DCLK1: variants seen among roughly 807,000 people sequenced by gnomAD.
DCLK1 encodes serine/threonine-protein kinase DCLK1.
A neutral mutation model predicts 86.2 loss-of-function variants in DCLK1; 16 were observed. That is an observed-to-expected ratio of 0.19 (90% CI 0.13 to 0.28). DCLK1 has a LOEUF of 0.28. Among genes scored for constraint, DCLK1 ranks in the 10% least tolerant of loss-of-function variants. The pLI, the probability that DCLK1 is intolerant of heterozygous loss-of-function variation, is 1.00. For missense variants in DCLK1, 590 were observed against 940.2 expected (o/e 0.63, Z 4.87); for synonymous variants, 369 against 370.5 (o/e 1.00, Z 0.05).
At chr13:35,958,174 C>CCAT (rs1211855225) in intron 3 of DCLK1, among the ~76,000 whole-genome samples, 1 of 152,130 alleles carries the variant, frequency 6.6e-6, no homozygotes, top group Non-Finnish European at 1.5e-5. Context: ...ACCACCATCA[C>CCAT]CACTATAACC....
At chr13:35,902,791 G>A (rs1024741628) in intron 4 of DCLK1, among the ~76,000 whole-genome samples, 4 of 152,036 alleles carry the variant, frequency 2.6e-5, no homozygotes, top group Non-Finnish European at 5.9e-5. Context: ...TTCAGCCCCC[G>A]AAACAGTGAC....
At chr13:35,907,841 T>TAAAAAAAAAAAAA (rs35873614) in intron 4 of DCLK1, among the ~76,000 whole-genome samples, 1 of 140,700 alleles carries the variant, frequency 7.1e-6, no homozygotes. Context: ...GAAAAAACTT[T>TAAAAAAAAAAAAA]AAAAAAAAAA....
At chr13:36,069,114 T>C (rs563548922) in intron 3 of DCLK1, among the ~76,000 whole-genome samples, 23 of 152,298 alleles carry the variant, frequency 1.5e-4, no homozygotes, top group African/African-American at 5.3e-4. Context: ...ATTTGTCAGA[T>C]GAAGAAACCG....
chr13:35,915,904 T>G (rs1875377387), intron 4 of DCLK1, among the ~76,000 whole-genome samples: 1 of 152,188 alleles, frequency 6.6e-6, no homozygotes, highest in Non-Finnish European at 1.5e-5. Flanking sequence ...CTTTCAAAGC[T>G]CATTCAAATG....
At chr13:35,940,358 C>G (rs561554297) in intron 4 of DCLK1, among the ~76,000 whole-genome samples, 1 of 151,292 alleles carries the variant, frequency 6.6e-6, no homozygotes, top group South Asian at 2.1e-4. Flanking sequence ...TCTGCAGGTA[C>G]TTGAGCTTAG....
chr13:35,799,684 G>T lies in DCLK1; in HGVS notation c.1944+6015C>A, dbSNP rs369713966. ...GATGAGCATTTTGAAAATAAAAATG[G>T]AATGACAGCAATATATTTAAAATAT... On this transcript the variant is annotated intron_variant, in intron 15 of 16. Transcript: ENST00000360631. Among the ~76,000 whole-genome samples, 60 of 152,126 alleles carry T rather than the reference G, an allele frequency of 3.9e-4. 1 individual carries two copies. The East Asian group carries it at 0.011, about 29-fold the overall frequency.
chr13:35,910,896 C>T (rs150714153), intron 4 of DCLK1, among the ~76,000 whole-genome samples: 5 of 152,070 alleles, frequency 3.3e-5, no homozygotes, highest in East Asian at 3.9e-4. Flanking sequence ...CATAATTGGC[C>T]GATTGAGGGA....
chr13:36,008,838 C>T (rs1272596469), intron 3 of DCLK1, among the ~76,000 whole-genome samples: 2 of 150,876 alleles, frequency 1.3e-5, no homozygotes, highest in African/African-American at 2.4e-5. Flanking sequence ...ACAGTCTCAC[C>T]AACAGTGTAA....
intron 3 of DCLK1, among the ~76,000 whole-genome samples, chr13:35,953,767 A>G (rs981567315): frequency 6.6e-6 from 1 of 152,176 alleles, no homozygotes; most frequent in African/African-American, 2.4e-5. Flanking sequence ...TAAGATCTCC[A>G]TGGTGACGCT....
At chr13:35,950,025 T>C (rs371887602) in intron 3 of DCLK1, among the ~76,000 whole-genome samples, 6 of 152,326 alleles carry the variant, frequency 3.9e-5, no homozygotes, top group African/African-American at 7.2e-5. Flanking sequence ...TTTTCAGTGA[T>C]TGAAATGAGA....
intron 16 of DCLK1, among the ~76,000 whole-genome samples, chr13:35,787,082 A>G (rs982642787): frequency 1.3e-5 from 2 of 150,494 alleles, no homozygotes; most frequent in Non-Finnish European, 3.0e-5. Flanking sequence ...TCATATATAT[A>G]TATTATATAT....
intron 16 of DCLK1, 28 bp from the exon 17 acceptor site, chr13:35,774,727 G>C (rs1188729007): frequency 5.0e-6 from 8 of 1,600,178 alleles, no homozygotes; most frequent in Middle Eastern, 1.7e-4. Flanking sequence ...TGAGAAAGAG[G>C]ACAATTAGGG....
intron 3 of DCLK1, 53 bp from the exon 4 acceptor site, chr13:35,947,510 C>T: frequency 1.4e-6 from 2 of 1,433,720 alleles, no homozygotes; most frequent in Admixed American, 3.4e-5. Context: ...GCAATTACAA[C>T]AATGCAACCC....
At chr13:35,920,900 T>G (rs1413275028) in intron 4 of DCLK1, among the ~76,000 whole-genome samples, 3 of 151,844 alleles carry the variant, frequency 2.0e-5, no homozygotes, top group Non-Finnish European at 4.4e-5. Flanking sequence ...CTCTCCTCAC[T>G]CCCTGCATTC....
Position 35,770,757 on chromosome 13 carries a change from A to G in DCLK1, c.*3778T>C, listed in dbSNP as rs1393590503. On this transcript the variant is annotated 3_prime_UTR_variant, in exon 17 of 17. Transcript: ENST00000360631. ...AATGAGTAACTACATTAAAACTACC[A>G]TCTTGGATCTTGGTGCTTTCCAAAA... 6 of 152,242 alleles carry G rather than the reference A, an allele frequency of 3.9e-5. No homozygotes were observed. Among genetic ancestry groups the G allele is most frequent in the Non-Finnish European group, 7.3e-5 (5 of 68,046 alleles). The allele number at this position is 152,242 out of a possible 1,614,324, so 9.4% of individuals were successfully genotyped here.
intron 6 of DCLK1, among the ~76,000 whole-genome samples, chr13:35,853,091 C>T (rs1189845757): frequency 6.6e-6 from 1 of 152,180 alleles, no homozygotes; most frequent in Admixed American, 6.5e-5. Context: ...GCTCTTCCTT[C>T]ACTCAAGGAC....
chr13:35,917,404 A>T (rs896358818), intron 4 of DCLK1, among the ~76,000 whole-genome samples: 1 of 152,106 alleles, frequency 6.6e-6, no homozygotes, highest in African/African-American at 2.4e-5. Flanking sequence ...CGGGCCCTCA[A>T]ATAGCATTTC....
At chr13:35,813,674 T>C (rs1470951333) in intron 11 of DCLK1, among the ~76,000 whole-genome samples, 4 of 151,580 alleles carry the variant, frequency 2.6e-5, no homozygotes, top group Admixed American at 1.3e-4. Flanking sequence ...AATTGTGATG[T>C]TCTTTTTATT....
At chr13:35,968,400 G>T (rs180790998) in intron 3 of DCLK1, among the ~76,000 whole-genome samples, 5 of 152,334 alleles carry the variant, frequency 3.3e-5, no homozygotes, top group African/African-American at 9.6e-5. Context: ...AGGGTCACCT[G>T]TTTGGGCTTT....
Sources: allele counts gnomAD v4.1 joint callset (sites outside exome capture counted in the v4.1 genomes callset), GRCh38; gene constraint gnomAD v4.1.1; transcripts MANE v1.5; gene names NCBI Gene and HGNC (gene_info 2026-07-23, HGNC 2026-07-21).